EEPD1: variants seen among roughly 807,000 people sequenced by gnomAD.
The protein encoded by EEPD1 is endonuclease/exonuclease/phosphatase family domain-containing protein 1.
A neutral mutation model predicts 46.3 loss-of-function variants in EEPD1; 17 were observed. That is an observed-to-expected ratio of 0.37 (90% CI 0.25 to 0.55). EEPD1 has a LOEUF of 0.55. Among genes scored for constraint, EEPD1 ranks in the 20% least tolerant of loss-of-function variants. EEPD1 has a pLI of 0.83. For synonymous variants in EEPD1, 313 were observed against 315.6 expected, an observed-to-expected ratio of 0.99 and a Z score of 0.09; for missense variants, 673 against 745.6, an observed-to-expected ratio of 0.90 and a Z score of 1.13.
chr7:36,167,488 C>T (rs371317797), intron 2 of EEPD1, among the ~76,000 whole-genome samples: 16 of 152,176 alleles, frequency 1.1e-4, no homozygotes, highest in East Asian at 9.7e-4. Flanking sequence ...GGGCCTGGAC[C>T]CTTGCACTTC....
intron 2 of EEPD1, among the ~76,000 whole-genome samples, chr7:36,230,388 T>C (rs1053324546): frequency 6.6e-6 from 1 of 152,162 alleles, no homozygotes; most frequent in Non-Finnish European, 1.5e-5. Flanking sequence ...GACTCCTTGA[T>C]GTGGCTTGAC....
At chr7:36,253,577 A>G (rs1389132551) in intron 3 of EEPD1, among the ~76,000 whole-genome samples, 3 of 151,842 alleles carry the variant, frequency 2.0e-5, no homozygotes, top group African/African-American at 7.3e-5. Flanking sequence ...ATTGTTTTTT[A>G]CTTGAATTCT....
intron 2 of EEPD1, among the ~76,000 whole-genome samples, chr7:36,234,334 A>G (rs139900871): frequency 1.8e-4 from 27 of 152,324 alleles, no homozygotes; most frequent in African/African-American, 3.6e-4. Context: ...GCTTAGTTGT[A>G]CAAAGGGTAT....
intron 2 of EEPD1, among the ~76,000 whole-genome samples, chr7:36,160,702 G>A (rs1287265776): frequency 6.6e-6 from 1 of 151,442 alleles, no homozygotes; most frequent in Non-Finnish European, 1.5e-5. Flanking sequence ...CATGGAGAGG[G>A]TCCTGGGAGT....
At chr7:36,258,311 C>T (rs1470379998) in intron 3 of EEPD1, among the ~76,000 whole-genome samples, 4 of 152,176 alleles carry the variant, frequency 2.6e-5, no homozygotes, top group Non-Finnish European at 1.5e-5. Flanking sequence ...GGTCAGGGAC[C>T]CACTTGAGGA....
At chr7:36,246,923 C>T (rs751127011) in intron 3 of EEPD1, among the ~76,000 whole-genome samples, 3 of 151,916 alleles carry the variant, frequency 2.0e-5, no homozygotes, top group Non-Finnish European at 2.9e-5. Context: ...GTCAGGAGTT[C>T]GAGACCAGCC....
intron 2 of EEPD1, among the ~76,000 whole-genome samples, chr7:36,212,044 A>G (rs570321048): frequency 2.0e-5 from 3 of 152,228 alleles, no homozygotes; most frequent in African/African-American, 7.2e-5. Flanking sequence ...TAATATAGAA[A>G]TTACTTACAT....
chr7:36,205,607 T>TG (rs1372552227), intron 2 of EEPD1, among the ~76,000 whole-genome samples: 1 of 152,190 alleles, frequency 6.6e-6, no homozygotes, highest in Non-Finnish European at 1.5e-5. Context: ...GGTAAAAGCG[T>TG]GGTGCTAAGT....
chr7:36,271,641 T>A (rs1387355012), intron 3 of EEPD1, among the ~76,000 whole-genome samples: 2 of 149,644 alleles, frequency 1.3e-5, no homozygotes, highest in African/African-American at 4.9e-5. Context: ...AATTTTGGCT[T>A]TTGTTGCCAT....
At chr7:36,167,376 A>G (rs922496636) in intron 2 of EEPD1, among the ~76,000 whole-genome samples, 3 of 152,184 alleles carry the variant, frequency 2.0e-5, no homozygotes, top group Non-Finnish European at 2.9e-5. Flanking sequence ...TTCACAGTTT[A>G]AATGCTAGAG....
In EEPD1 at chr7:36,225,589, CAAAAAT is replaced by C. The variant is rs1786219149; in HGVS notation, c.879-13395_879-13390del. On this transcript the variant is annotated intron_variant, in intron 2 of 7. Transcript: ENST00000242108. This position sits in a 1 kb window ranked among gnomAD's most constrained non-coding sequence, Gnocchi z 4.2. ...TTCATCCAAACAGAGAAAAAAGTAA[CAAAAAT>C]TAAGTCGACTTTAGACTTGTTCTGT... is the stretch of plus-strand genomic sequence containing the variant. Among the ~76,000 whole-genome samples the C allele has an allele frequency of 6.6e-6, 1 of 152,086 alleles. No individual in the cohort carries two copies. The highest frequency in any genetic ancestry group is 2.1e-4 in the South Asian group (1 of 4,826).
intron 2 of EEPD1, among the ~76,000 whole-genome samples, chr7:36,196,546 C>T (rs980857217): frequency 3.3e-5 from 5 of 152,198 alleles, no homozygotes; most frequent in Admixed American, 6.5e-5. Context: ...CCAGTGCCTG[C>T]GATTGCAGGC....
intron 2 of EEPD1, among the ~76,000 whole-genome samples, chr7:36,196,922 G>A (rs1364530242): frequency 1.3e-5 from 2 of 151,038 alleles, no homozygotes; most frequent in African/African-American, 4.9e-5. Flanking sequence ...AGTCTGGAAA[G>A]TGAGGAGCGC....
chr7:36,170,419 A>AG (rs529383028), intron 2 of EEPD1, among the ~76,000 whole-genome samples: 212 of 152,166 alleles, frequency 1.4e-3, no homozygotes, highest in African/African-American at 4.8e-3. Flanking sequence ...AAAAAAAAAA[A>AG]GTATATATTT....
intron 2 of EEPD1, among the ~76,000 whole-genome samples, chr7:36,224,969 A>G (rs933706131): frequency 6.6e-6 from 1 of 152,084 alleles, no homozygotes; most frequent in African/African-American, 2.4e-5. Flanking sequence ...AGATGTGATG[A>G]TAGGAGAGAA....
chr7:36,217,759 G>T (rs575451479), intron 2 of EEPD1, among the ~76,000 whole-genome samples: 21 of 152,302 alleles, frequency 1.4e-4, no homozygotes, highest in East Asian at 7.7e-4. Context: ...AGAGAGGGGG[G>T]ATTGCTTTTT....
At chr7:36,260,839 C>G (rs371554960) in intron 3 of EEPD1, among the ~76,000 whole-genome samples, 1 of 152,162 alleles carries the variant, frequency 6.6e-6, no homozygotes. Context: ...TATTCAAAAA[C>G]GAAAATGTTG....
Position 36,206,545 on chromosome 7 carries a change from G to A in EEPD1, c.879-32440G>A, listed in dbSNP as rs1583808614. ...ACCAGCACTAGAAGCCATACACTCA[G>A]CACCTTACAGAGTGGGGCTGGAAAG... On this transcript the variant is annotated intron_variant, in intron 2 of 7. Transcript: ENST00000242108. Among the ~76,000 whole-genome samples the A allele has an allele frequency of 3.3e-5, 5 of 152,244 alleles. No homozygotes were observed. The South Asian group carries it at 1.0e-3, about 32-fold the overall frequency.
intron 3 of EEPD1, among the ~76,000 whole-genome samples, chr7:36,252,881 C>A (rs1475046321): frequency 1.1e-5 from 1 of 92,454 alleles, no homozygotes; most frequent in Non-Finnish European, 2.0e-5. Flanking sequence ...GTAAAGGTTT[C>A]TCAGTTTTTG....
Sources: allele counts gnomAD v4.1 joint callset (sites outside exome capture counted in the v4.1 genomes callset), GRCh38; gene constraint gnomAD v4.1.1; non-coding constraint Gnocchi (gnomAD v3.1); transcripts MANE v1.5; gene names NCBI Gene and HGNC (gene_info 2026-07-23, HGNC 2026-07-21).